The following UTRN variants were observed in gnomAD, a reference collection of about 807,000 sequenced individuals.
UTRN encodes utrophin, also known as dystrophin-related protein 1.
In UTRN, 283 loss-of-function variants were observed where a neutral mutation model predicts 463.9. The observed-to-expected ratio is 0.61, with a 90% CI of 0.55 to 0.67. The LOEUF is 0.67. UTRN is among the 30% of genes least tolerant of loss of function. The probability of loss-of-function intolerance (pLI) is 0.00; values close to 1 mark genes in which losing one functional copy is unlikely to be tolerated. For synonymous variants in UTRN, 1,442 were observed against 1,431.5 expected (o/e 1.01, Z -0.17); for missense variants, 3,922 against 4,084.3 (o/e 0.96, Z 1.08).
chr6:144,733,845 G>A lies in UTRN; in HGVS notation c.7939+3359G>A, dbSNP rs1233519719. Among the ~76,000 whole-genome samples, 4 of 152,118 alleles carry A rather than the reference G, an allele frequency of 2.6e-5. No homozygotes were observed. The East Asian group carries it at 5.8e-4, about 22-fold the overall frequency. On this transcript the variant is annotated intron_variant, in intron 54 of 74. Coordinates refer to ENST00000367545, the MANE Select transcript of UTRN (RefSeq NM_007124.3). The stretch of plus-strand genomic sequence containing the variant: ...CTCAGGTCTCAGCCCAGTCCTGTTG[G>A]ATATCTAACATATGCAGCTATTGTT...
intron 9 of UTRN, 148 bp downstream of exon 9, chr6:144,429,889 G>A: frequency 1.3e-6 from 1 of 769,856 alleles, no homozygotes; most frequent in South Asian, 2.0e-5. Context: ...CAGCTTAGCA[G>A]TTAGCATTCT....
intron 2 of UTRN, among the ~76,000 whole-genome samples, chr6:144,314,946 A>C (rs113016381): frequency 0.042 from 6,352 of 150,318 alleles, 434 homozygotes; most frequent in African/African-American, 0.15. Context: ...ACCTCTCTCT[A>C]TATATTTTTT....
Position 144,448,626 on chromosome 6 carries a change from G to A in UTRN, c.1929G>A (p.Gly643=), listed in dbSNP as rs1212230871. 1 of 1,613,922 alleles carries A rather than the reference G, an allele frequency of 6.2e-7. No individual in the cohort carries two copies. The highest frequency in any genetic ancestry group is 8.5e-7 in the Non-Finnish European group (1 of 1,179,878). ...NQVTQAVAKL[G]MSQIPQKDLL... is the part of the protein sequence containing the mutation. ...TGACTCAGGCTGTAGCAAAGCTGGG[G>A]ATGTCTCAGATTCCTCAGAAGGACC... Residue 643 remains glycine, a synonymous_variant, in exon 17 of 75, where the codon GGG becomes GGA. Transcript: ENST00000367545.
intron 2 of UTRN, among the ~76,000 whole-genome samples, chr6:144,387,655 C>A (rs1781531285): frequency 6.6e-6 from 1 of 152,114 alleles, no homozygotes; most frequent in South Asian, 2.1e-4. Flanking sequence ...AGTGGAAAAC[C>A]CACTGGACAG....
At chr6:144,562,262 C>T (rs1169659479) in intron 50 of UTRN, among the ~76,000 whole-genome samples, 2 of 152,048 alleles carry the variant, frequency 1.3e-5, no homozygotes, top group Non-Finnish European at 2.9e-5. Flanking sequence ...AGGTTTATGA[C>T]ATAGGTAAAT....
intron 62 of UTRN, among the ~76,000 whole-genome samples, chr6:144,792,502 G>A (rs550155758): frequency 2.0e-5 from 3 of 151,984 alleles, no homozygotes; most frequent in African/African-American, 7.2e-5. Context: ...AGCCAAGATC[G>A]TGCCATTGCA....
intron 23 of UTRN, 61 bp downstream of exon 23, chr6:144,462,927 A>C: frequency 7.9e-7 from 1 of 1,263,988 alleles, no homozygotes; most frequent in South Asian, 1.3e-5. Context: ...ATTATCTTAT[A>C]AGATTCACGT....
chr6:144,740,927 A>C (rs755420748), intron 54 of UTRN, among the ~76,000 whole-genome samples: 3 of 152,226 alleles, frequency 2.0e-5, no homozygotes, highest in Non-Finnish European at 4.4e-5. Flanking sequence ...CATTTGCCTC[A>C]TAAAAAGATG....
chr6:144,548,936 T>C, intron 47 of UTRN, 82 bp downstream of exon 47: 1 of 1,394,534 alleles, frequency 7.2e-7, no homozygotes, highest in East Asian at 2.4e-5. Flanking sequence ...CTTTTGTTTA[T>C]CCTAAACTAT....
At chr6:144,798,034 T>G (rs755440670) in intron 64 of UTRN, 44 bp downstream of exon 64, 1 of 1,612,210 alleles carries the variant, frequency 6.2e-7, no homozygotes, top group African/African-American at 1.3e-5. Context: ...CTGTTTCCTT[T>G]GTGTAATCTC....
chr6:144,424,368 G>A (rs374590233), intron 6 of UTRN, among the ~76,000 whole-genome samples: 5 of 152,220 alleles, frequency 3.3e-5, no homozygotes, highest in East Asian at 1.9e-4. Context: ...CAGTGTTGAC[G>A]TGGTGTTCTC....
intron 25 of UTRN, among the ~76,000 whole-genome samples, chr6:144,476,445 G>C (rs1423929659): frequency 6.6e-6 from 1 of 152,096 alleles, no homozygotes; most frequent in African/African-American, 2.4e-5. Flanking sequence ...GAAAGAATTG[G>C]ATGTGTGATA....
intron 2 of UTRN, among the ~76,000 whole-genome samples, chr6:144,294,342 G>C (rs1210253573): frequency 6.6e-6 from 1 of 152,062 alleles, no homozygotes; most frequent in Non-Finnish European, 1.5e-5. Context: ...TTCCTCTAAG[G>C]GACTTTTTTT....
At chr6:144,798,506 G>T (rs1394730519) in intron 64 of UTRN, among the ~76,000 whole-genome samples, 2 of 152,204 alleles carry the variant, frequency 1.3e-5, no homozygotes, top group African/African-American at 4.8e-5. Context: ...CAGTGTGTCA[G>T]ACTCTTCAGT....
chr6:144,668,408 A>G (rs920486227), intron 51 of UTRN, among the ~76,000 whole-genome samples: 19 of 152,228 alleles, frequency 1.2e-4, no homozygotes, highest in Non-Finnish European at 2.6e-4. Context: ...TATTTAAAGT[A>G]TTCCTATGTA....
rs548617685 is a variant in UTRN, at chr6:144,300,070, GC to G, written c.79+8166del. 6.7e-5 allele frequency among the ~76,000 whole-genome samples: 10 copies of G among 149,818 alleles called. No homozygotes were observed. The South Asian group carries it at 2.1e-3, about 31-fold the overall frequency. Reference sequence around the variant, plus strand: ...TTTTCCCTATGGATCTGTAAAAACAGCCCAAAAGTCTTGTGATTTTTTTTTT... The same window carrying G: ...TTTTCCCTATGGATCTGTAAAAACAGCCAAAAGTCTTGTGATTTTTTTTTT... On this transcript the variant is annotated intron_variant, in intron 2 of 74. Coordinates refer to ENST00000367545, the MANE Select transcript of UTRN (RefSeq NM_007124.3).
rs749222130 is a variant in UTRN, at chr6:144,463,323, C to A, written c.3066+457C>A. ...ACAGTGTCAGAGTGGGAAGGCAAAT[C>A]GTTCCAGGGACATGAAAATTCAGAA... On this transcript the variant is annotated intron_variant, in intron 23 of 74. Coordinates refer to ENST00000367545, the MANE Select transcript of UTRN (RefSeq NM_007124.3). Among the ~76,000 whole-genome samples the A allele has an allele frequency of 1.3e-5, 2 of 152,132 alleles. 1 individual carries two copies. The highest frequency in any genetic ancestry group is 4.1e-4 in the South Asian group (2 of 4,834).
intron 65 of UTRN, among the ~76,000 whole-genome samples, chr6:144,805,512 G>A (rs1778070919): frequency 6.6e-6 from 1 of 152,164 alleles, no homozygotes; most frequent in African/African-American, 2.4e-5. Context: ...AACATATAGT[G>A]GTCTGAGTTG....
intron 33 of UTRN, among the ~76,000 whole-genome samples, chr6:144,494,435 T>C (rs1441837687): frequency 6.6e-6 from 1 of 152,144 alleles, no homozygotes; most frequent in Admixed American, 6.5e-5. Flanking sequence ...GTGTTACAGC[T>C]CATAAAAGCA....
Sources: gnomAD v4.1 joint callset for allele counts (sites outside exome capture counted in the v4.1 genomes callset) on GRCh38, gnomAD v4.1.1 for gene constraint, MANE v1.5 for transcripts, NCBI Gene and HGNC (gene_info 2026-07-23, HGNC 2026-07-21) for gene names.